The following LRRC4C variants were observed in gnomAD, a reference collection of about 807,000 sequenced individuals.
The protein encoded by LRRC4C is leucine rich repeat containing 4C, also known as leucine-rich repeat-containing protein 4C.
In LRRC4C, 5 loss-of-function variants were observed where a neutral mutation model predicts 33.6. The ratio of observed to expected loss-of-function variants is 0.15; its 90% CI spans 0.08 to 0.31. The LOEUF is 0.31. Among genes scored for constraint, LRRC4C ranks in the 10% least tolerant of loss-of-function variants. The pLI is 1.00. For missense variants in LRRC4C, 560 were observed against 796.7 expected (o/e 0.70, Z 3.58); for synonymous variants, 329 against 302.0 (o/e 1.09, Z -0.93).
At position 40,271,448 on chromosome 11, in the gene LRRC4C, C is replaced by A. The variant is rs188449838; in HGVS notation, c.-175-29850G>T. 2.0e-5 allele frequency among the ~76,000 whole-genome samples: 3 copies of A among 152,278 alleles called. No homozygotes were observed. In the East Asian group the frequency reaches 5.8e-4, roughly 29 times the overall value. ...CCCTTCTAACTTACTACCTTTAAAA[C>A]TCTATGTAGAAGGGAGGATTTCAAA... On this transcript the variant is annotated intron_variant, in intron 4 of 6. Coordinates refer to ENST00000528697, the MANE Select transcript of LRRC4C (RefSeq NM_001258419.2).
At chr11:40,380,253 C>T (rs530407686) in intron 3 of LRRC4C, among the ~76,000 whole-genome samples, 2 of 152,260 alleles carry the variant, frequency 1.3e-5, no homozygotes, top group South Asian at 4.1e-4. Context: ...ATCTGAGGAT[C>T]TTAATCTAGA....
intron 2 of LRRC4C, among the ~76,000 whole-genome samples, chr11:40,757,894 C>G (rs1460664953): frequency 2.0e-5 from 3 of 151,948 alleles, no homozygotes; most frequent in Non-Finnish European, 4.4e-5. Flanking sequence ...GTGTTGGTTG[C>G]CTGAAAGATA....
chr11:40,546,156 C>A (rs1467859752), intron 3 of LRRC4C, among the ~76,000 whole-genome samples: 1 of 141,060 alleles, frequency 7.1e-6, no homozygotes, highest in Non-Finnish European at 1.5e-5. Flanking sequence ...TTCTTTCTCT[C>A]TAATTTACTT....
rs1327071540 is a variant in LRRC4C, at chr11:41,214,814, T to C, written c.-496+244617A>G. On this transcript the variant is annotated intron_variant, in intron 1 of 6. Transcript: ENST00000528697. ...ATGTGTGTATATATATGTGTGTGTG[T>C]ATATATATATTATATATATGTATAT... Among the ~76,000 whole-genome samples the C allele has an allele frequency of 2.7e-5, 4 of 146,196 alleles. No homozygotes were observed. In the East Asian group the frequency reaches 7.9e-4, roughly 29 times the overall value.
chr11:40,732,596 T>C lies in LRRC4C; in HGVS notation c.-406-84318A>G, dbSNP rs1360570806. Among the ~76,000 whole-genome samples, 3 of 152,144 alleles carry C rather than the reference T, an allele frequency of 2.0e-5. No homozygotes were observed. In the East Asian group the frequency reaches 5.8e-4, roughly 29 times the overall value. On this transcript the variant is annotated intron_variant, in intron 2 of 6. Transcript: ENST00000528697. ...AAGAGATCACACATAAGGAAGGAAATAGTGTGATATCTATTCTATGCATAG... is the reference window on the plus strand; with the variant it reads ...AAGAGATCACACATAAGGAAGGAAACAGTGTGATATCTATTCTATGCATAG...
chr11:40,920,774 G>T (rs1957139185), intron 2 of LRRC4C, among the ~76,000 whole-genome samples: 1 of 151,980 alleles, frequency 6.6e-6, no homozygotes, highest in Non-Finnish European at 1.5e-5. Context: ...CCTAAATTTT[G>T]GAACCTGTGA....
intron 2 of LRRC4C, among the ~76,000 whole-genome samples, chr11:40,684,668 T>C (rs1180882435): frequency 3.3e-5 from 5 of 151,910 alleles, no homozygotes; most frequent in African/African-American, 1.2e-4. Context: ...TTGTAGTGAA[T>C]TTATTTGCAA....
At chr11:40,938,995 T>C (rs1487373409) in intron 1 of LRRC4C, among the ~76,000 whole-genome samples, 1 of 152,080 alleles carries the variant, frequency 6.6e-6, no homozygotes, top group African/African-American at 2.4e-5. Context: ...AATAGTATTA[T>C]ATAATTATAA....
rs1329795637 is a variant in LRRC4C at position 40,857,985 on chromosome 11, A to AAGGGAC, written c.-407+75644_-407+75649dup. ...AAAGGGAAAGGGAAAGGGAAAGGGA[A>AAGGGAC]AGGGACAGGGACAGGGACAGGGACA... On this transcript the variant is annotated intron_variant, in intron 2 of 6. Transcript: ENST00000528697. Among the ~76,000 whole-genome samples the AAGGGAC allele has an allele frequency of 8.3e-3, 994 of 120,336 alleles. 25 individuals are homozygous for AAGGGAC. Among genetic ancestry groups the AAGGGAC allele is most frequent in the African/African-American group, 0.032 (927 of 29,206 alleles). 78.9% of individuals were successfully genotyped at this position (120,336 alleles called of 152,430 possible).
chr11:40,345,242 A>G (rs1283565450), intron 3 of LRRC4C, among the ~76,000 whole-genome samples: 3 of 152,112 alleles, frequency 2.0e-5, no homozygotes, highest in Non-Finnish European at 2.9e-5. Context: ...AATAGCCAAG[A>G]CAATCCTAAG....
In LRRC4C at chr11:40,115,595, G is replaced by T; in HGVS notation, c.698C>A (p.Ala233Asp). Residue 233 changes from alanine (A) to aspartate (D), a missense_variant, in exon 7 of 7, where the codon GCC (alanine) becomes GAC (aspartate). Physicochemically the swap from Ala to Asp is moderately radical, Grantham distance 126. Transcript: ENST00000528697. The surrounding 1 kb of genome is among the most constrained non-coding windows in gnomAD (Gnocchi z 6.7). ...ACCCTGGAAAGAGCCAGGCCTGATG[G>T]CAGATAAATGATTCCCAGAAAGATC... The part of the protein sequence containing the change: ...ELDLSGNHLS[A>D]IRPGSFQGLM... 6.2e-7 allele frequency: 1 copy of T among 1,614,162 alleles called. No homozygotes were observed. Among genetic ancestry groups the T allele is most frequent in the South Asian group, 1.1e-5 (1 of 91,078 alleles).
At chr11:40,385,026 C>A (rs942535029) in intron 3 of LRRC4C, among the ~76,000 whole-genome samples, 3 of 151,944 alleles carry the variant, frequency 2.0e-5, no homozygotes, top group African/African-American at 4.8e-5. Context: ...ATTGGCATAA[C>A]AATATACATA....
intron 5 of LRRC4C, among the ~76,000 whole-genome samples, chr11:40,178,188 G>C (rs1590627829): frequency 6.6e-6 from 1 of 152,168 alleles, no homozygotes; most frequent in East Asian, 1.9e-4. Flanking sequence ...AGGGAACAAA[G>C]AGAAATAAAG....
intron 3 of LRRC4C, among the ~76,000 whole-genome samples, chr11:40,467,090 A>G (rs1181723877): frequency 6.6e-6 from 1 of 152,120 alleles, no homozygotes; most frequent in Non-Finnish European, 1.5e-5. Context: ...TCAGAAACGG[A>G]TTGCCAAATT....
intron 2 of LRRC4C, among the ~76,000 whole-genome samples, chr11:40,906,694 CTCT>C (rs1956431923): frequency 2.0e-5 from 3 of 151,164 alleles, no homozygotes; most frequent in African/African-American, 7.2e-5. Flanking sequence ...GTTTCCCTCT[CTCT>C]CTCTCTCTCT....
At chr11:41,205,717 A>G (rs187968344) in intron 1 of LRRC4C, among the ~76,000 whole-genome samples, 32 of 152,328 alleles carry the variant, frequency 2.1e-4, no homozygotes, top group African/African-American at 7.2e-4. Context: ...CACTTAAGTG[A>G]TGCTTGCTAT....
chr11:41,221,907 C>T (rs1283768482), intron 1 of LRRC4C, among the ~76,000 whole-genome samples: 1 of 152,102 alleles, frequency 6.6e-6, no homozygotes, highest in Non-Finnish European at 1.5e-5. Context: ...CTTATTTCTT[C>T]TTCTAGGGCA....
chr11:41,300,039 A>G (rs1950244391), intron 1 of LRRC4C, among the ~76,000 whole-genome samples: 2 of 152,166 alleles, frequency 1.3e-5, no homozygotes, highest in Admixed American at 6.5e-5. Context: ...ATATAAAGGT[A>G]GAATCAAAAA....
intron 1 of LRRC4C, among the ~76,000 whole-genome samples, chr11:41,198,240 T>C (rs1328570186): frequency 6.6e-6 from 1 of 152,006 alleles, no homozygotes; most frequent in Admixed American, 6.6e-5. Context: ...CCATGAAATA[T>C]ATGCATTTCC....
Sources: gnomAD v4.1 joint callset for allele counts (sites outside exome capture counted in the v4.1 genomes callset) on GRCh38, gnomAD v4.1.1 for gene constraint, Gnocchi (gnomAD v3.1) non-coding constraint, MANE v1.5 for transcripts, NCBI Gene and HGNC (gene_info 2026-07-23, HGNC 2026-07-21) for gene names.